EPHB1: variants seen among roughly 807,000 people sequenced by gnomAD.
EPHB1 encodes ephrin type-B receptor 1.
A neutral mutation model predicts 94.4 loss-of-function variants in EPHB1; 30 were observed. The ratio of observed to expected loss-of-function variants is 0.32; its 90% CI spans 0.24 to 0.43. The LOEUF is 0.43. Ranked by LOEUF, EPHB1 falls within the 20% of genes least tolerant of loss-of-function variation. The probability of loss-of-function intolerance (pLI) is 1.00; values close to 1 mark genes in which losing one functional copy is unlikely to be tolerated. For missense variants in EPHB1, 1,055 were observed against 1,308.3 expected, an observed-to-expected ratio of 0.81 and a Z score of 2.99; for synonymous variants, 522 against 489.1, an observed-to-expected ratio of 1.07 and a Z score of -0.89.
chr3:134,979,450 G>C (rs1383684207), intron 3 of EPHB1, among the ~76,000 whole-genome samples: 1 of 152,174 alleles, frequency 6.6e-6, no homozygotes, highest in Non-Finnish European at 1.5e-5. Flanking sequence ...AATAGCTTCA[G>C]ATTATGGTCT....
At chr3:134,972,224 T>C (rs564218741) in intron 3 of EPHB1, among the ~76,000 whole-genome samples, 1 of 152,012 alleles carries the variant, frequency 6.6e-6, no homozygotes, top group East Asian at 1.9e-4. Context: ...TTCCCCTTCT[T>C]TTCCTTCTCC....
At chr3:135,077,343 A>G (rs115179602) in intron 3 of EPHB1, among the ~76,000 whole-genome samples, 4,191 of 152,168 alleles carry the variant, frequency 0.028, 95 homozygotes, top group Non-Finnish European at 0.043. Flanking sequence ...TCTCTTTCTC[A>G]CCCACATATC....
At chr3:134,994,618 C>G (rs1934929018) in intron 3 of EPHB1, among the ~76,000 whole-genome samples, 1 of 152,136 alleles carries the variant, frequency 6.6e-6, no homozygotes, top group Admixed American at 6.5e-5. Flanking sequence ...GAACTGAGGT[C>G]TTACTATGTT....
At chr3:134,931,054 C>T (rs2038894670) in intron 2 of EPHB1, among the ~76,000 whole-genome samples, 2 of 152,214 alleles carry the variant, frequency 1.3e-5, no homozygotes, top group Non-Finnish European at 1.5e-5. Context: ...GTCTGCATCT[C>T]CATCACAGGC....
At chr3:134,867,060 G>A (rs550073412) in intron 1 of EPHB1, among the ~76,000 whole-genome samples, 1 of 152,268 alleles carries the variant, frequency 6.6e-6, no homozygotes, top group Admixed American at 6.5e-5. Context: ...CGGACAATAT[G>A]TTTGTATAGA....
chr3:134,986,280 C>T (rs530585636), intron 3 of EPHB1, among the ~76,000 whole-genome samples: 1 of 152,224 alleles, frequency 6.6e-6, no homozygotes, highest in South Asian at 2.1e-4. Context: ...ACAGGGTATT[C>T]AGTGAATTTA....
At chr3:134,801,997 A>G (rs2108282554) in intron 1 of EPHB1, among the ~76,000 whole-genome samples, 1 of 152,336 alleles carries the variant, frequency 6.6e-6, no homozygotes, top group East Asian at 1.9e-4. Context: ...AAGTACAGGA[A>G]GCAAACAAGT....
intron 5 of EPHB1, among the ~76,000 whole-genome samples, chr3:135,150,624 T>C (rs756276767): frequency 6.6e-6 from 1 of 152,234 alleles, no homozygotes; most frequent in Non-Finnish European, 1.5e-5. Context: ...TTCTAGGCGA[T>C]CACACTCTCC....
chr3:134,905,439 G>A (rs893414676), intron 1 of EPHB1, among the ~76,000 whole-genome samples: 2 of 152,176 alleles, frequency 1.3e-5, no homozygotes, highest in Non-Finnish European at 2.9e-5. Context: ...TGTCATTCCC[G>A]GCATTACTGA....
chr3:134,821,629 TAAA>T (rs1260148098), intron 1 of EPHB1, among the ~76,000 whole-genome samples: 6 of 151,988 alleles, frequency 3.9e-5, no homozygotes, highest in Non-Finnish European at 5.9e-5. Context: ...GATTGTGTAA[TAAA>T]GAAGAAAAAT....
intron 3 of EPHB1, among the ~76,000 whole-genome samples, chr3:135,062,078 C>A (rs113516463): frequency 0.012 from 1,871 of 152,232 alleles, 38 homozygotes; most frequent in Non-Finnish European, 0.013. Context: ...AGCACAGTTT[C>A]TTTGTCCACT....
chr3:134,845,291 C>A (rs534635416), intron 1 of EPHB1, among the ~76,000 whole-genome samples: 1 of 152,134 alleles, frequency 6.6e-6, no homozygotes, highest in Non-Finnish European at 1.5e-5. Context: ...AATTTCATTT[C>A]TTTCCATAAG....
chr3:135,229,611 C>A (rs955561370), intron 12 of EPHB1, among the ~76,000 whole-genome samples: 1 of 152,108 alleles, frequency 6.6e-6, no homozygotes, highest in Non-Finnish European at 1.5e-5. Flanking sequence ...TAATTGAAGG[C>A]CATGATAAGG....
intron 1 of EPHB1, among the ~76,000 whole-genome samples, chr3:134,870,571 G>C (rs760169720): frequency 3.9e-5 from 6 of 152,198 alleles, no homozygotes; most frequent in African/African-American, 7.2e-5. Context: ...GCTGGACCGT[G>C]GACACAGATC....
intron 3 of EPHB1, among the ~76,000 whole-genome samples, chr3:135,000,613 A>G (rs942571097): frequency 1.3e-5 from 2 of 152,182 alleles, no homozygotes; most frequent in African/African-American, 2.4e-5. Context: ...ACTACTCTCC[A>G]GAGTACTTGA....
intron 3 of EPHB1, among the ~76,000 whole-genome samples, chr3:134,981,821 TC>T (rs1267047570): frequency 6.6e-6 from 1 of 152,206 alleles, no homozygotes; most frequent in Non-Finnish European, 1.5e-5. Flanking sequence ...GTCCAATTTT[TC>T]CAGGCTATAG....
chr3:134,811,256 T>TTTGTTTTTG (rs71139556), intron 1 of EPHB1, among the ~76,000 whole-genome samples: 7,916 of 134,878 alleles, frequency 0.059, 506 homozygotes, highest in Non-Finnish European at 0.073. Flanking sequence ...TTTTTTTTTT[T>TTTGTTTTTG]TTTTTTTCTG....
rs1420135248 is a variant in EPHB1, at chr3:135,031,309, TTCTC to T, written c.806-75135_806-75132del. On this transcript the variant is annotated intron_variant, in intron 3 of 15. Transcript: ENST00000398015. ...TCCTTCTCTCTCTCTCTTTCTCCCTTTCTCTCTTTCTCTGTTTCTTGATGGGGTC... is the reference window on the plus strand; with the variant it reads ...TCCTTCTCTCTCTCTCTTTCTCCCTTTCTTTCTCTGTTTCTTGATGGGGTC... Among the ~76,000 whole-genome samples, 3 of 152,090 alleles carry T rather than the reference TTCTC, an allele frequency of 2.0e-5. No individual in the cohort carries two copies. The East Asian group carries it at 5.8e-4, about 29-fold the overall frequency.
At chr3:135,096,659 T>C (rs975152720) in intron 3 of EPHB1, among the ~76,000 whole-genome samples, 7 of 152,212 alleles carry the variant, frequency 4.6e-5, no homozygotes, top group African/African-American at 1.7e-4. Flanking sequence ...CACTTCCTGG[T>C]TTGCAGATGA....
Sources: allele counts gnomAD v4.1 joint callset (sites outside exome capture counted in the v4.1 genomes callset), GRCh38; gene constraint gnomAD v4.1.1; transcripts MANE v1.5; gene names NCBI Gene and HGNC (gene_info 2026-07-23, HGNC 2026-07-21).